Variants in MFRP observed in about 807,000 individuals in gnomAD.
MFRP encodes membrane frizzled-related protein.
MFRP carries 74 observed loss-of-function variants against 65.8 expected under a neutral mutation model. The ratio of observed to expected loss-of-function variants is 1.12; its 90% CI spans 0.93 to 1.36. MFRP has a LOEUF of 1.36. Among genes scored for constraint, MFRP ranks in the 40% most tolerant of loss-of-function variants. The pLI is 0.00. For missense variants in MFRP, 838 were observed against 736.0 expected, an observed-to-expected ratio of 1.14 and a Z score of -1.60; for synonymous variants, 336 against 288.3, an observed-to-expected ratio of 1.17 and a Z score of -1.68.
Position 119,342,902 on chromosome 11 carries a change from G to A in MFRP, c.1226C>T (p.Ala409Val), listed in dbSNP as rs950121355. 2.5e-6 allele frequency: 4 copies of A among 1,612,898 alleles called. No homozygotes were observed. Among genetic ancestry groups the A allele is most frequent in the African/African-American group, 2.7e-5 (2 of 74,932 alleles). Reference protein sequence around the residue: ...DHGISSGGFSATYLAFNATEN... With the variant: ...DHGISSGGFSVTYLAFNATEN... ...CGTGGCATTGAAGGCCAGGTAGGTG[G>A]CTGAGAAGCCTCCACTGCTGATGCC... The change falls in exon 10 of 15, where the codon GCC becomes GTC. Residue 409 changes from alanine (A) to valine (V), a missense_variant. Physicochemically the swap from Ala to Val is moderately conservative, Grantham distance 64. Transcript: ENST00000619721.
At position 119,342,712 on chromosome 11, in the gene MFRP, C is replaced by G. The variant is rs1360212514; in HGVS notation, c.1271G>C (p.Ser424Thr). 6.2e-7 allele frequency: 1 copy of G among 1,613,442 alleles called. No homozygotes were observed. The highest frequency in any genetic ancestry group is 2.2e-5 in the East Asian group (1 of 44,884). Residue 424 changes from serine (S) to threonine (T), a missense_variant, in exon 11 of 15, where the codon AGT (serine) becomes ACT (threonine). Physicochemically the swap from Ser to Thr is moderately conservative, Grantham distance 58. Transcript: ENST00000619721. Reference protein sequence around the residue: ...FNATENPCGPSELSCQAGGCK... With the variant: ...FNATENPCGPTELSCQAGGCK... ...CCCTCCTGCCTGGCAGGAGAGCTCACTGGGCCCACAGGGGTCTGCAGGCAC... is the reference window on the plus strand; with the variant it reads ...CCCTCCTGCCTGGCAGGAGAGCTCAGTGGGCCCACAGGGGTCTGCAGGCAC...
chr11:119,338,962 A>G lies in MFRP; in HGVS notation c.*1997T>C. On this transcript the variant is annotated 3_prime_UTR_variant, in exon 15 of 15. Coordinates refer to ENST00000619721, the MANE Select transcript of MFRP (RefSeq NM_031433.4). Reference sequence around the variant, plus strand: ...GGTAGGAGGGTTCTTAGGTTTATTGAGTGATCTCTGAGAAAAGGGCCGGCC... The same window carrying G: ...GGTAGGAGGGTTCTTAGGTTTATTGGGTGATCTCTGAGAAAAGGGCCGGCC... 1 of 205,740 alleles carries G rather than the reference A, an allele frequency of 4.9e-6. No homozygotes were observed. Among genetic ancestry groups the G allele is most frequent in the Non-Finnish European group, 9.8e-6 (1 of 102,014 alleles). 12.7% of individuals were successfully genotyped at this position (205,740 alleles called of 1,614,324 possible). A position where few individuals can be genotyped will look rare whatever the true frequency, so the allele number is the denominator to read the frequency against.
chr11:119,342,787 G>C (rs2135369263), intron 10 of MFRP, 60 bp from the exon 11 acceptor site: 1 of 1,613,050 alleles, frequency 6.2e-7, no homozygotes, highest in East Asian at 2.2e-5. Flanking sequence ...AGTACCCCCA[G>C]AGTGTCCTGA....
rs1244642237 is a variant in MFRP at position 119,346,287 on chromosome 11, G to A, written c.142C>T (p.Pro48Ser). ...VFPEDASYSVPAPWHGRRPRG... is the reference protein window; with the variant it reads ...VFPEDASYSVSAPWHGRRPRG... ...GGATGGTTACCATGCCAGGGAGCTG[G>A]GACGCTGTAGCTGGCATCCTCTGGG... Residue 48 changes from proline (P) to serine (S), a missense_variant, in exon 2 of 15, where the codon CCA becomes TCA. Physicochemically the swap from Pro to Ser is moderately conservative, Grantham distance 74. Transcript: ENST00000619721. The A allele has an allele frequency of 2.5e-6, 4 of 1,613,450 alleles. No homozygotes were observed. Among genetic ancestry groups the A allele is most frequent in the Non-Finnish European group, 3.4e-6 (4 of 1,179,786 alleles).
chr11:119,342,707 G>C lies in MFRP; in HGVS notation c.1276C>G (p.Leu426Val). 6.2e-6 allele frequency: 10 copies of C among 1,613,672 alleles called. No individual in the cohort carries two copies. The highest frequency in any genetic ancestry group is 8.5e-6 in the Non-Finnish European group (10 of 1,179,956). ...TTACACCCTCCTGCCTGGCAGGAGA[G>C]CTCACTGGGCCCACAGGGGTCTGCA... ...ATENPCGPSE[L>V]SCQAGGCKGV... Residue 426 changes from leucine to valine, a missense_variant, in exon 11 of 15, where the codon CTC becomes GTC. Leu to Val is a conservative substitution (Grantham distance 32, BLOSUM62 1). Coordinates refer to ENST00000619721, the MANE Select transcript of MFRP (RefSeq NM_031433.4).
Position 119,339,108 on chromosome 11 carries a change from C to T in MFRP, c.*1851G>A. 1.7e-6 allele frequency: 1 copy of T among 593,186 alleles called. No individual in the cohort carries two copies. The highest frequency in any genetic ancestry group is 3.0e-5 in the Admixed American group (1 of 32,864). 36.7% of individuals were successfully genotyped at this position (593,186 alleles called of 1,614,324 possible). ...TTACACTTGCCAGCACAGCACACTC[C>T]TCTGGTCTTGGGCAGAAATCCAGCC... On this transcript the variant is annotated 3_prime_UTR_variant, in exon 15 of 15. Transcript: ENST00000619721. This position sits in a 1 kb window ranked among gnomAD's most constrained non-coding sequence, Gnocchi z 5.4.
In MFRP at chr11:119,340,393, C is replaced by T; in HGVS notation, c.*901G>A. The T allele has an allele frequency of 6.5e-7, 1 of 1,545,116 alleles. No individual in the cohort carries two copies. The highest frequency in any genetic ancestry group is 8.7e-7 in the Non-Finnish European group (1 of 1,146,176). ...CAGGAGCAGCAGGACGAGGAGTGGC[C>T]TCATAGCGCTGGCACCGGGAGCCCG... On this transcript the variant is annotated 3_prime_UTR_variant, in exon 14 of 15. Coordinates refer to ENST00000619721, the MANE Select transcript of MFRP (RefSeq NM_031433.4).
At chr11:119,346,006 A>C in intron 3 of MFRP, 40 bp downstream of exon 3, 1 of 1,613,046 alleles carries the variant, frequency 6.2e-7, no homozygotes, top group Non-Finnish European at 8.5e-7. Flanking sequence ...ATGGAGTTTC[A>C]TTCCAAAGCC....
Position 119,340,398 on chromosome 11 carries a change from A to T in MFRP, c.*896T>A. ...GCAGCAGGACGAGGAGTGGCCTCAT[A>T]GCGCTGGCACCGGGAGCCCGGACGC... On this transcript the variant is annotated 3_prime_UTR_variant, in exon 14 of 15. Transcript: ENST00000619721. The T allele has an allele frequency of 6.5e-7, 1 of 1,544,646 alleles. No individual in the cohort carries two copies. Among genetic ancestry groups the T allele is most frequent in the East Asian group, 2.5e-5 (1 of 40,746 alleles).
Position 119,339,118 on chromosome 11 carries a change from G to A in MFRP, c.*1841C>T. 1 of 605,478 alleles carries A rather than the reference G, an allele frequency of 1.7e-6. No homozygotes were observed. 37.5% of individuals were successfully genotyped at this position (605,478 alleles called of 1,614,324 possible). ...CAGCACAGCACACTCCTCTGGTCTT[G>A]GGCAGAAATCCAGCCACTGCCCCAT... On this transcript the variant is annotated 3_prime_UTR_variant, in exon 15 of 15. Coordinates refer to ENST00000619721, the MANE Select transcript of MFRP (RefSeq NM_031433.4). This position sits in a 1 kb window ranked among gnomAD's most constrained non-coding sequence, Gnocchi z 5.4.
Position 119,339,966 on chromosome 11 carries a change from C to T in MFRP, c.*1111-118G>A. On this transcript the variant is annotated intron_variant, in intron 14 of 14. Coordinates refer to ENST00000619721, the MANE Select transcript of MFRP (RefSeq NM_031433.4). The surrounding 1 kb of genome is among the most constrained non-coding windows in gnomAD (Gnocchi z 5.4). The stretch of plus-strand genomic sequence containing the variant: ...CTGCCTGAGCTTCGGCCAGCGCCTC[C>T]TCCCGCACGGGTACCTCCTCCACCC... 7.4e-7 allele frequency: 1 copy of T among 1,351,852 alleles called. No homozygotes were observed. Among genetic ancestry groups the T allele is most frequent in the Non-Finnish European group, 9.7e-7 (1 of 1,036,136 alleles). 83.7% of individuals were successfully genotyped at this position (1,351,852 alleles called of 1,614,324 possible). A position where few individuals can be genotyped will look rare whatever the true frequency, so the allele number is the denominator to read the frequency against.
intron 11 of MFRP, among the ~76,000 whole-genome samples, chr11:119,342,246 G>A (rs957320279): frequency 3.9e-5 from 6 of 152,224 alleles, no homozygotes; most frequent in Admixed American, 2.0e-4. Flanking sequence ...ACCCGCGTTT[G>A]CAGGGACTGC....
chr11:119,345,996 A>G (rs1454721834), intron 3 of MFRP, 50 bp downstream of exon 3: 4 of 1,613,058 alleles, frequency 2.5e-6, no homozygotes, highest in Middle Eastern at 3.3e-4. Context: ...AGAGCGGCTC[A>G]TGGAGTTTCA....
chr11:119,340,185 C>T lies in MFRP; in HGVS notation c.*1109G>A, dbSNP rs1296310915. On this transcript the variant is annotated splice_region_variant and 3_prime_UTR_variant, in exon 14 of 15. Coordinates refer to ENST00000619721, the MANE Select transcript of MFRP (RefSeq NM_031433.4). The stretch of plus-strand genomic sequence containing the variant: ...ATAGCCGCGGCGGTGCCTTCTTACC[C>T]GGCCTCCCGCCCTCGCCTTTCTCTC... 1.3e-6 allele frequency: 2 copies of T among 1,514,826 alleles called. No individual in the cohort carries two copies. The highest frequency in any genetic ancestry group is 1.8e-6 in the Non-Finnish European group (2 of 1,134,386). The allele number at this position is 1,514,826 out of a possible 1,614,324, so 93.8% of individuals were successfully genotyped here.
At position 119,346,527 on chromosome 11, in the gene MFRP, G is replaced by A; in HGVS notation, c.-14C>T. ...GAAGTCCTTCATGGCACAAGGCTCT[G>A]CATGGCTTTCTGGAGTCCCTGTGAC... On this transcript the variant is annotated 5_prime_UTR_variant, in exon 1 of 15. An upstream open reading frame in the 5' UTR gains an earlier in-frame stop. Transcript: ENST00000619721. 1 of 1,613,846 alleles carries A rather than the reference G, an allele frequency of 6.2e-7. No individual in the cohort carries two copies.
At position 119,339,564 on chromosome 11, in the gene MFRP, CAAACTGCAGGCTG is replaced by C. The variant is rs747980638; in HGVS notation, c.*1382_*1394del. 6.2e-7 allele frequency: 1 copy of C among 1,613,624 alleles called. No individual in the cohort carries two copies. The highest frequency in any genetic ancestry group is 1.1e-5 in the South Asian group (1 of 91,086). ...ATGGATTCGCCATTCTTCACCAGAT[CAAACTGCAGGCTG>C]GCCCGGTAGACGGTGGCATGGACGG... On this transcript the variant is annotated 3_prime_UTR_variant, in exon 15 of 15. Coordinates refer to ENST00000619721, the MANE Select transcript of MFRP (RefSeq NM_031433.4). The surrounding 1 kb of genome is among the most constrained non-coding windows in gnomAD (Gnocchi z 5.4).
intron 5 of MFRP, 24 bp from the exon 6 acceptor site, chr11:119,345,028 G>C: frequency 6.3e-7 from 1 of 1,595,440 alleles, no homozygotes. Flanking sequence ...GGTTGGGGGT[G>C]AGGGAGGCTC....
At chr11:119,343,774 G>C (rs1404422341) in intron 9 of MFRP, 42 bp downstream of exon 9, 11 of 1,612,744 alleles carry the variant, frequency 6.8e-6, no homozygotes, top group East Asian at 2.2e-5. Flanking sequence ...GTGGCAGACA[G>C]TGAGGATGGA....
chr11:119,345,511 G>A lies in MFRP; in HGVS notation c.550C>T (p.Leu184Phe). ...IQVATDHAIQ[L>F]KIEALSIESV... Reference sequence around the variant, plus strand: ...TCTATGCTGAGGGCTTCGATCTTGAGCTGTATTGCATGGTCTGTGGCCACC... The same window carrying A: ...TCTATGCTGAGGGCTTCGATCTTGAACTGTATTGCATGGTCTGTGGCCACC... The change falls in exon 5 of 15, where the codon CTC (leucine) becomes TTC (phenylalanine). Residue 184 changes from leucine to phenylalanine, a missense_variant. Coordinates refer to ENST00000619721, the MANE Select transcript of MFRP (RefSeq NM_031433.4). The A allele has an allele frequency of 1.2e-6, 2 of 1,614,144 alleles. No homozygotes were observed. Among genetic ancestry groups the A allele is most frequent in the Non-Finnish European group, 1.7e-6 (2 of 1,180,044 alleles).
Sources: gnomAD v4.1 joint callset for allele counts (sites outside exome capture counted in the v4.1 genomes callset) on GRCh38, gnomAD v4.1.1 for gene constraint, Gnocchi (gnomAD v3.1) non-coding constraint, MANE v1.5 for transcripts, NCBI Gene and HGNC (gene_info 2026-07-23, HGNC 2026-07-21) for gene names.